The following AATF variants were observed in gnomAD, a reference collection of about 807,000 sequenced individuals.
AATF encodes the protein protein AATF.
Under a neutral mutation model 63.7 loss-of-function variants are expected in AATF, and 48 were observed. The observed-to-expected ratio is 0.75, with a 90% CI of 0.60 to 0.96. The LOEUF (loss-of-function observed/expected upper bound fraction) is 0.96, where lower values mean the gene tolerates loss of function less well. Among genes scored for constraint, AATF ranks in the 40% least tolerant of loss-of-function variants. The pLI is 0.00. For missense variants in AATF, 639 were observed against 685.7 expected (o/e 0.93, Z 0.76); for synonymous variants, 258 against 247.7 (o/e 1.04, Z -0.39).
chr17:36,949,039 A>G lies in AATF; in HGVS notation c.-87A>G, dbSNP rs1402805025. ...AGTCGGGGAATCGGATCAAGGCGAG[A>G]GGATCCGGCAGGGAAGGAGCTTCGG... On this transcript the variant is annotated 5_prime_UTR_variant, in exon 1 of 12. Coordinates refer to ENST00000619387, the MANE Select transcript of AATF (RefSeq NM_012138.4). 2.5e-5 allele frequency: 30 copies of G among 1,203,034 alleles called. No homozygotes were observed. Among genetic ancestry groups the G allele is most frequent in the Non-Finnish European group, 3.2e-5 (27 of 850,512 alleles). The allele number at this position is 1,203,034 out of a possible 1,614,324, so 74.5% of individuals were successfully genotyped here.
chr17:37,028,807 G>A (rs2071530099), intron 10 of AATF, among the ~76,000 whole-genome samples: 1 of 151,972 alleles, frequency 6.6e-6, no homozygotes, highest in African/African-American at 2.4e-5. Flanking sequence ...GCAACAAAAA[G>A]TGAAGAATTA....
chr17:36,998,054 G>C (rs1237046127), intron 8 of AATF, among the ~76,000 whole-genome samples: 1 of 152,114 alleles, frequency 6.6e-6, no homozygotes, highest in Non-Finnish European at 1.5e-5. Flanking sequence ...ATGATACAAT[G>C]GACTTTGGGG....
intron 2 of AATF, 102 bp from the exon 3 acceptor site, chr17:36,952,784 T>C (rs527879756): frequency 1.3e-6 from 2 of 1,488,286 alleles, no homozygotes; most frequent in East Asian, 4.6e-5. Context: ...GTAAGAGATT[T>C]TCCCCCTGAT....
At chr17:36,976,336 T>C (rs928447553) in intron 4 of AATF, among the ~76,000 whole-genome samples, 3 of 152,214 alleles carry the variant, frequency 2.0e-5, no homozygotes, top group African/African-American at 7.2e-5. Context: ...GTTAGAGGAC[T>C]TAAATGAATT....
chr17:37,055,731 A>C (rs1275113248), intron 11 of AATF: 1 of 152,244 alleles, frequency 6.6e-6, no homozygotes, highest in Non-Finnish European at 1.5e-5. Context: ...CACGTGCTAC[A>C]CGCCCACCTC....
intron 8 of AATF, among the ~76,000 whole-genome samples, chr17:36,997,948 A>C (rs1392347259): frequency 2.0e-5 from 3 of 151,976 alleles, no homozygotes; most frequent in Non-Finnish European, 4.4e-5. Flanking sequence ...ATTGGAGACT[A>C]TTACTCTAAG....
intron 10 of AATF, among the ~76,000 whole-genome samples, chr17:37,027,359 A>G (rs1292935912): frequency 6.6e-6 from 1 of 152,142 alleles, no homozygotes; most frequent in Admixed American, 6.5e-5. Flanking sequence ...TTGGTAAAAG[A>G]TGATTTAATA....
intron 2 of AATF, among the ~76,000 whole-genome samples, chr17:36,952,309 C>T (rs1178361881): frequency 6.6e-6 from 1 of 152,228 alleles, no homozygotes; most frequent in South Asian, 2.1e-4. Context: ...TATTGGCATG[C>T]ATATCTACCA....
chr17:37,006,641 T>A (rs888857211), intron 8 of AATF, among the ~76,000 whole-genome samples: 2 of 152,238 alleles, frequency 1.3e-5, no homozygotes, highest in African/African-American at 2.4e-5. Flanking sequence ...CACTTCTAGT[T>A]AATAATTAGA....
chr17:37,010,114 G>A (rs1276699308), intron 8 of AATF, among the ~76,000 whole-genome samples: 2 of 152,074 alleles, frequency 1.3e-5, no homozygotes, highest in Non-Finnish European at 2.9e-5. Context: ...TGTGTGTGGT[G>A]GGGGAAATGA....
chr17:36,988,401 T>C (rs2071185648), intron 5 of AATF, 118 bp from the exon 6 acceptor site: 3 of 907,356 alleles, frequency 3.3e-6, no homozygotes, highest in African/African-American at 3.4e-5. Flanking sequence ...TGGTGTTATT[T>C]TGAATGGAGA....
intron 10 of AATF, among the ~76,000 whole-genome samples, chr17:37,022,812 G>C (rs1269667664): frequency 6.6e-6 from 1 of 152,138 alleles, no homozygotes; most frequent in South Asian, 2.1e-4. Flanking sequence ...CTGTACAAGT[G>C]TTTGTTGCCA....
intron 10 of AATF, chr17:37,031,337 C>T: frequency 4.2e-6 from 2 of 479,886 alleles, no homozygotes; most frequent in South Asian, 5.4e-5. Context: ...GTGTAGATTA[C>T]ATGCAAATAC....
chr17:37,048,004 A>G (rs2071708632), intron 11 of AATF, among the ~76,000 whole-genome samples: 1 of 152,362 alleles, frequency 6.6e-6, no homozygotes, highest in East Asian at 1.9e-4. Flanking sequence ...CTGTTAAGAA[A>G]TAAGTCTTAG....
chr17:36,971,114 A>C (rs1446344313), intron 4 of AATF, among the ~76,000 whole-genome samples: 1 of 152,210 alleles, frequency 6.6e-6, no homozygotes, highest in Non-Finnish European at 1.5e-5. Flanking sequence ...TCTGTGAAAG[A>C]TATGTTAAAA....
intron 8 of AATF, among the ~76,000 whole-genome samples, chr17:37,004,503 A>G (rs747435850): frequency 2.0e-5 from 3 of 152,254 alleles, no homozygotes; most frequent in Non-Finnish European, 4.4e-5. Flanking sequence ...GTAGAGAGGT[A>G]AAAATGGATG....
intron 11 of AATF, among the ~76,000 whole-genome samples, chr17:37,054,280 G>C (rs1597747650): frequency 6.6e-6 from 1 of 152,208 alleles, no homozygotes; most frequent in South Asian, 2.1e-4. Context: ...GGAAGAGTCA[G>C]CCAGGAGGTT....
intron 11 of AATF, among the ~76,000 whole-genome samples, chr17:37,050,638 C>T (rs567003439): frequency 1.6e-4 from 24 of 152,304 alleles, no homozygotes; most frequent in African/African-American, 5.3e-4. Context: ...GGTTTCAGAT[C>T]GGATCCAGAC....
intron 11 of AATF, among the ~76,000 whole-genome samples, chr17:37,037,714 G>T (rs1024669266): frequency 3.3e-5 from 5 of 152,182 alleles, no homozygotes; most frequent in Non-Finnish European, 1.5e-5. Context: ...ATGCTGATAC[G>T]GTTTGGATTG....
Sources: gnomAD v4.1 joint callset for allele counts (sites outside exome capture counted in the v4.1 genomes callset) on GRCh38, gnomAD v4.1.1 for gene constraint, MANE v1.5 for transcripts, NCBI Gene and HGNC (gene_info 2026-07-23, HGNC 2026-07-21) for gene names.